Variants in CREB5 observed in about 807,000 individuals in gnomAD.
The protein encoded by CREB5 is cAMP responsive element binding protein 5.
A neutral mutation model predicts 57.1 loss-of-function variants in CREB5; 19 were observed. That is an observed-to-expected ratio of 0.33 (90% CI 0.23 to 0.49). The LOEUF (loss-of-function observed/expected upper bound fraction) is 0.49, where lower values mean the gene tolerates loss of function less well. Ranked by LOEUF, CREB5 falls within the 20% of genes least tolerant of loss-of-function variation. CREB5 has a pLI of 0.99. For synonymous variants in CREB5, 238 were observed against 238.3 expected (o/e 1.00, Z 0.01); for missense variants, 579 against 671.6 (o/e 0.86, Z 1.52).
intron 1 of CREB5, among the ~76,000 whole-genome samples, chr7:28,336,621 T>C (rs1380305621): frequency 1.3e-5 from 2 of 151,986 alleles, no homozygotes; most frequent in Non-Finnish European, 1.5e-5. Context: ...GTCAATTTTG[T>C]TTATCTTTTC....
At chr7:28,324,064 C>T (rs2127984879) in intron 1 of CREB5, among the ~76,000 whole-genome samples, 1 of 152,282 alleles carries the variant, frequency 6.6e-6, no homozygotes, top group South Asian at 2.1e-4. Flanking sequence ...GCTGTAAACA[C>T]AGAGAAGCTT....
At chr7:28,511,585 G>A (rs1792702048) in intron 4 of CREB5, among the ~76,000 whole-genome samples, 1 of 152,184 alleles carries the variant, frequency 6.6e-6, no homozygotes, top group Non-Finnish European at 1.5e-5. Context: ...CTTGGGCTCA[G>A]TTGATCCTCC....
intron 1 of CREB5, among the ~76,000 whole-genome samples, chr7:28,477,554 G>A (rs945540486): frequency 1.2e-4 from 18 of 152,208 alleles, no homozygotes; most frequent in African/African-American, 4.1e-4. Context: ...GCTGTTGTTT[G>A]GGGGCCTGAG....
intron 1 of CREB5, among the ~76,000 whole-genome samples, chr7:28,345,681 T>C (rs555057248): frequency 4.6e-5 from 7 of 152,254 alleles, no homozygotes; most frequent in African/African-American, 1.7e-4. Context: ...TTCTGGCAGA[T>C]GGTTAGCACT....
intron 5 of CREB5, among the ~76,000 whole-genome samples, chr7:28,633,047 T>C (rs1798265863): frequency 6.6e-6 from 1 of 152,212 alleles, no homozygotes; most frequent in African/African-American, 2.4e-5. Flanking sequence ...TTCCAGGTAC[T>C]TCTTCAAGCA....
At chr7:28,477,204 A>T (rs1372012485) in intron 1 of CREB5, among the ~76,000 whole-genome samples, 2 of 152,248 alleles carry the variant, frequency 1.3e-5, no homozygotes, top group African/African-American at 4.8e-5. Context: ...TCCCTGAAGC[A>T]GTTTGTGAAC....
intron 5 of CREB5, among the ~76,000 whole-genome samples, chr7:28,653,394 A>G (rs1799217674): frequency 1.3e-5 from 2 of 152,172 alleles, no homozygotes; most frequent in South Asian, 4.1e-4. Flanking sequence ...TTCCAGCATG[A>G]AGGCAAGTAG....
intron 7 of CREB5, among the ~76,000 whole-genome samples, chr7:28,753,928 G>C (rs1014977493): frequency 6.6e-6 from 1 of 150,998 alleles, no homozygotes; most frequent in African/African-American, 2.4e-5. Context: ...CAGAAAAAAA[G>C]AAGACGATCT....
chr7:28,522,913 TC>T (rs1793272870), intron 4 of CREB5, among the ~76,000 whole-genome samples: 1 of 152,184 alleles, frequency 6.6e-6, no homozygotes, highest in African/African-American at 2.4e-5. Context: ...GATGCGTAAT[TC>T]CAGTTCCCAA....
intron 7 of CREB5, among the ~76,000 whole-genome samples, chr7:28,759,814 G>A (rs145461328): frequency 2.5e-4 from 38 of 152,328 alleles, no homozygotes; most frequent in African/African-American, 7.2e-4. Flanking sequence ...TACATACCAC[G>A]CAACTTTTCA....
chr7:28,334,669 G>A (rs1785780714), intron 1 of CREB5, among the ~76,000 whole-genome samples: 1 of 152,076 alleles, frequency 6.6e-6, no homozygotes, highest in Non-Finnish European at 1.5e-5. Context: ...TTTGTTGATT[G>A]TTTCCTTTGT....
intron 1 of CREB5, among the ~76,000 whole-genome samples, chr7:28,372,971 T>G (rs1009922790): frequency 6.6e-6 from 1 of 152,186 alleles, no homozygotes; most frequent in Non-Finnish European, 1.5e-5. Context: ...TGGTGTTTAT[T>G]TGGGGTAAGG....
intron 4 of CREB5, among the ~76,000 whole-genome samples, chr7:28,556,506 A>G (rs1373987610): frequency 6.6e-6 from 1 of 152,118 alleles, no homozygotes; most frequent in East Asian, 1.9e-4. Flanking sequence ...GTCAATGCAA[A>G]GCCAGTTTAT....
At chr7:28,802,986 C>T (rs1015534951) in intron 7 of CREB5, among the ~76,000 whole-genome samples, 16 of 152,344 alleles carry the variant, frequency 1.1e-4, no homozygotes, top group African/African-American at 3.6e-4. Context: ...GCTGCTTTTG[C>T]ACCACAGTAT....
intron 7 of CREB5, among the ~76,000 whole-genome samples, chr7:28,727,210 T>G (rs1803377759): frequency 6.6e-6 from 1 of 152,140 alleles, no homozygotes; most frequent in Non-Finnish European, 1.5e-5. Context: ...TTTCATTTTA[T>G]GGATTCATTT....
intron 7 of CREB5, among the ~76,000 whole-genome samples, chr7:28,740,997 G>A (rs1484540239): frequency 1.1e-5 from 1 of 90,012 alleles, no homozygotes; most frequent in East Asian, 3.6e-4. Flanking sequence ...GCCATGCAGG[G>A]ATTTTTTTTT....
intron 1 of CREB5, among the ~76,000 whole-genome samples, chr7:28,353,614 C>G (rs917867617): frequency 6.6e-6 from 1 of 151,838 alleles, no homozygotes; most frequent in Non-Finnish European, 1.5e-5. Context: ...GAGGCCGAGG[C>G]GGGCAGATCA....
At chr7:28,568,532 A>G (rs1795570622) in intron 4 of CREB5, among the ~76,000 whole-genome samples, 1 of 152,238 alleles carries the variant, frequency 6.6e-6, no homozygotes. Flanking sequence ...TAAAAAAACG[A>G]AAGTGTGTTC....
chr7:28,638,189 C>T (rs1000387281), intron 5 of CREB5, among the ~76,000 whole-genome samples: 4 of 151,446 alleles, frequency 2.6e-5, no homozygotes, highest in African/African-American at 4.8e-5. Context: ...TAATATGGAA[C>T]AATCACTGCA....
Sources: allele counts gnomAD v4.1 joint callset (sites outside exome capture counted in the v4.1 genomes callset), GRCh38; gene constraint gnomAD v4.1.1; transcripts MANE v1.5; gene names NCBI Gene and HGNC (gene_info 2026-07-23, HGNC 2026-07-21).